The following NRXN3 variants were observed in gnomAD, a reference collection of about 807,000 sequenced individuals.
NRXN3 encodes the protein neurexin 3, also known as neurexin III.
NRXN3 carries 32 observed loss-of-function variants against 137.6 expected under a neutral mutation model. The observed-to-expected ratio is 0.23, with a 90% confidence interval of 0.18 to 0.31. The LOEUF (loss-of-function observed/expected upper bound fraction) is 0.31. NRXN3 is among the 10% of genes least tolerant of loss of function. NRXN3 has a pLI of 1.00. For synonymous variants in NRXN3, 798 were observed against 784.5 expected (o/e 1.02, Z -0.29); for missense variants, 1,574 against 2,062.5 (o/e 0.76, Z 4.59).
chr14:78,294,436 A>G (rs947093131), intron 3 of NRXN3, among the ~76,000 whole-genome samples: 11 of 151,920 alleles, frequency 7.2e-5, no homozygotes, highest in Admixed American at 6.6e-5. Context: ...CACACCTGTA[A>G]TCCTAGCTAC....
chr14:78,719,377 C>T (rs11845058), intron 8 of NRXN3, among the ~76,000 whole-genome samples: 22,344 of 151,914 alleles, frequency 0.15, 2,325 homozygotes, highest in African/African-American at 0.3. Flanking sequence ...CCTCTCCATT[C>T]GGGGCCTCCC....
chr14:79,838,459 A>AT (rs976639591), intron 20 of NRXN3, among the ~76,000 whole-genome samples: 3 of 152,048 alleles, frequency 2.0e-5, no homozygotes, highest in African/African-American at 7.2e-5. Flanking sequence ...TGTTTCTCAA[A>AT]TTTTTTTTAG....
chr14:79,459,722 C>T (rs1237719497), intron 15 of NRXN3, among the ~76,000 whole-genome samples: 1 of 151,696 alleles, frequency 6.6e-6, no homozygotes, highest in Non-Finnish European at 1.5e-5. Context: ...ATAATATATA[C>T]ACATAGCTGG....
intron 15 of NRXN3, chr14:79,201,739 G>C (rs2153218006): frequency 6.6e-6 from 1 of 152,336 alleles, no homozygotes; most frequent in South Asian, 2.1e-4. Context: ...TATTAAAGTT[G>C]ATAAAGCTGC....
intron 19 of NRXN3, among the ~76,000 whole-genome samples, chr14:79,759,941 A>G (rs1004989138): frequency 2.0e-5 from 3 of 151,752 alleles, no homozygotes; most frequent in African/African-American, 7.3e-5. Context: ...AATTTGACAT[A>G]AGAATAGGAT....
At chr14:78,815,479 C>CTTTTTTTTTTTTTTTTTTTT (rs61411777) in intron 10 of NRXN3, among the ~76,000 whole-genome samples, 8 of 84,430 alleles carry the variant, frequency 9.5e-5, no homozygotes, top group Non-Finnish European at 1.3e-4. Flanking sequence ...TTGTTTCTTT[C>CTTTTTTTTTTTTTTTTTTTT]TTTTTTTTTT....
intron 10 of NRXN3, among the ~76,000 whole-genome samples, chr14:78,870,639 C>T (rs2099099051): frequency 6.6e-6 from 1 of 152,008 alleles, no homozygotes; most frequent in Non-Finnish European, 1.5e-5. Context: ...TTCTATCTAA[C>T]TGTGTTTTCG....
At chr14:78,677,208 C>A (rs566778152) in intron 6 of NRXN3, among the ~76,000 whole-genome samples, 1 of 151,978 alleles carries the variant, frequency 6.6e-6, no homozygotes. Context: ...GATCACAAAG[C>A]CTTTTAGAAA....
intron 4 of NRXN3, among the ~76,000 whole-genome samples, chr14:78,458,218 A>G (rs550300140): frequency 2.6e-5 from 4 of 152,212 alleles, no homozygotes; most frequent in Admixed American, 6.5e-5. Context: ...AATTTTTACT[A>G]TGCAACCAAC....
Position 79,315,437 on chromosome 14 carries a change from T to A in NRXN3, c.3263-151784T>A, listed in dbSNP as rs72688970. 6.0e-4 allele frequency among the ~76,000 whole-genome samples: 91 copies of A among 152,256 alleles called. 1 individual carries two copies. The highest frequency in any genetic ancestry group is 1.0e-3 in the Non-Finnish European group (70 of 68,026). ...AGAAAAGGGGTCTCTGTAGAGAAAC[T>A]ATTAAAAAAGTTTAAACAGCCTTTA... On this transcript the variant is annotated intron_variant, in intron 15 of 20. Coordinates refer to ENST00000335750, the MANE Select transcript of NRXN3 (RefSeq NM_001330195.2).
chr14:79,851,569 G>A (rs1242528268), intron 20 of NRXN3, among the ~76,000 whole-genome samples: 1 of 152,090 alleles, frequency 6.6e-6, no homozygotes, highest in African/African-American at 2.4e-5. Flanking sequence ...TACTCTATTT[G>A]TCAAAGTCCC....
At chr14:78,574,632 G>A (rs554753337) in intron 4 of NRXN3, among the ~76,000 whole-genome samples, 29 of 152,326 alleles carry the variant, frequency 1.9e-4, no homozygotes, top group African/African-American at 6.7e-4. Flanking sequence ...TGGAATAGGT[G>A]TATTCACCCA....
At chr14:78,731,897 C>T (rs1237663950) in intron 8 of NRXN3, among the ~76,000 whole-genome samples, 2 of 36,452 alleles carry the variant, frequency 5.5e-5, no homozygotes, top group Non-Finnish European at 1.4e-4. Context: ...TTTTTAATGA[C>T]TTCAAAGTAG....
intron 10 of NRXN3, among the ~76,000 whole-genome samples, chr14:78,936,317 A>G (rs1368533031): frequency 2.0e-5 from 3 of 152,238 alleles, no homozygotes; most frequent in South Asian, 4.1e-4. Flanking sequence ...GCAAACTACA[A>G]TCAGCAGGAC....
At chr14:78,705,425 T>C (rs939172564) in intron 6 of NRXN3, among the ~76,000 whole-genome samples, 7 of 152,162 alleles carry the variant, frequency 4.6e-5, no homozygotes, top group African/African-American at 1.7e-4. Context: ...GTGAAGATAT[T>C]AACAATGGAG....
At chr14:79,641,417 A>T (rs1266301366) in intron 16 of NRXN3, among the ~76,000 whole-genome samples, 1 of 135,672 alleles carries the variant, frequency 7.4e-6, no homozygotes, top group African/African-American at 2.5e-5. Flanking sequence ...TATTTCCTAA[A>T]ACTGAGTGTA....
intron 4 of NRXN3, among the ~76,000 whole-genome samples, chr14:78,586,635 TC>T (rs956542734): frequency 3.3e-5 from 5 of 152,244 alleles, no homozygotes; most frequent in Admixed American, 3.3e-4. Context: ...CACCGCCTGA[TC>T]AGGTAAGCCT....
chr14:78,383,651 C>T (rs1005101140), intron 4 of NRXN3, among the ~76,000 whole-genome samples: 11 of 152,090 alleles, frequency 7.2e-5, no homozygotes, highest in African/African-American at 1.7e-4. Context: ...TGAACTTAAG[C>T]GTCTTTAGTT....
At chr14:79,144,520 C>A (rs1017765973) in intron 15 of NRXN3, among the ~76,000 whole-genome samples, 12 of 152,184 alleles carry the variant, frequency 7.9e-5, no homozygotes, top group Admixed American at 1.3e-4. Context: ...TACCACCCAT[C>A]ATGCTCTGAA....
Sources: allele counts gnomAD v4.1 joint callset (sites outside exome capture counted in the v4.1 genomes callset), GRCh38; gene constraint gnomAD v4.1.1; transcripts MANE v1.5; gene names NCBI Gene and HGNC (gene_info 2026-07-23, HGNC 2026-07-21).